Variants in AK3 observed in about 807,000 individuals in gnomAD.
AK3 encodes adenylate kinase 3.
Under a neutral mutation model 23.7 loss-of-function variants are expected in AK3, and 27 were observed. That is an observed-to-expected ratio of 1.14 (90% CI 0.84 to 1.57). The LOEUF (loss-of-function observed/expected upper bound fraction) is 1.57. AK3 is among the 40% of genes most tolerant of loss of function. The pLI, the probability that AK3 is intolerant of heterozygous loss-of-function variation, is 0.00. For missense variants in AK3, 406 were observed against 285.6 expected (o/e 1.42, Z -3.04); for synonymous variants, 159 against 116.0 (o/e 1.37, Z -2.38).
intron 1 of AK3, among the ~76,000 whole-genome samples, chr9:4,732,261 A>G (rs1842172050): frequency 6.6e-6 from 1 of 152,158 alleles, no homozygotes. Flanking sequence ...TAATTTCTTA[A>G]TAACATTTTT....
rs1387981714 is a variant in AK3, at chr9:4,711,149, A to C, written c.*1827T>G. 6.6e-6 allele frequency: 1 copy of C among 152,320 alleles called. No individual in the cohort carries two copies. The highest frequency in any genetic ancestry group is 1.9e-4 in the East Asian group (1 of 5,204). 9.4% of individuals were successfully genotyped at this position (152,320 alleles called of 1,614,324 possible). A position where few individuals can be genotyped will look rare whatever the true frequency, so the allele number is the denominator to read the frequency against. On this transcript the variant is annotated 3_prime_UTR_variant, in exon 5 of 5. Transcript: ENST00000381809. ...ATGAAGTATTGCATAAACTGAAACC[A>C]GCCTATGGACTGTTTTAAGATCATT...
At chr9:4,722,808 G>A (rs960882415) in intron 1 of AK3, among the ~76,000 whole-genome samples, 183 bp from the exon 2 acceptor site, 1 of 152,216 alleles carries the variant, frequency 6.6e-6, no homozygotes, top group African/African-American at 2.4e-5. Flanking sequence ...TGTAACCCCA[G>A]CACTTTGGGA....
In AK3 at chr9:4,712,345, T is replaced by C. The variant is rs541877658; in HGVS notation, c.*631A>G. On this transcript the variant is annotated 3_prime_UTR_variant, in exon 5 of 5. Transcript: ENST00000381809. The stretch of plus-strand genomic sequence containing the variant: ...AAAGTAATATTTTTCTATATGCTAA[T>C]TGATACATCTTTATAGCAAATTGAA... 6.6e-6 allele frequency: 1 copy of C among 152,208 alleles called. No individual in the cohort carries two copies. 9.4% of individuals were successfully genotyped at this position (152,208 alleles called of 1,614,324 possible). A position where few individuals can be genotyped will look rare whatever the true frequency, so the allele number is the denominator to read the frequency against.
At chr9:4,725,013 A>G (rs2183669) in intron 1 of AK3, among the ~76,000 whole-genome samples, 41,898 of 146,666 alleles carry the variant, frequency 0.29, 7,249 homozygotes, top group Admixed American at 0.37. Flanking sequence ...TGCTAAAGCT[A>G]CTAAACTCTT....
At chr9:4,720,128 C>T (rs1402839217) in intron 2 of AK3, among the ~76,000 whole-genome samples, 1 of 151,986 alleles carries the variant, frequency 6.6e-6, no homozygotes, top group African/African-American at 2.4e-5. Context: ...TAAAGTCCAG[C>T]TAAAGGAAAA....
intron 1 of AK3, among the ~76,000 whole-genome samples, chr9:4,723,316 T>C (rs546879716): frequency 2.2e-4 from 33 of 152,320 alleles, no homozygotes; most frequent in African/African-American, 7.7e-4. Context: ...AATAAGAATC[T>C]GAAATCATCA....
chr9:4,721,406 T>TAAAAA (rs770712533), intron 2 of AK3, among the ~76,000 whole-genome samples: 1 of 117,192 alleles, frequency 8.5e-6, no homozygotes, highest in Admixed American at 8.5e-5. Context: ...CTGTCTCCAT[T>TAAAAA]AAAAAAAAAA....
intron 2 of AK3, among the ~76,000 whole-genome samples, chr9:4,720,884 T>C (rs1050069925): frequency 1.3e-5 from 2 of 151,970 alleles, no homozygotes; most frequent in Non-Finnish European, 2.9e-5. Flanking sequence ...TCGGGAGAAA[T>C]AATGGCCCTT....
At chr9:4,739,278 C>T (rs1343342503) in intron 1 of AK3, among the ~76,000 whole-genome samples, 1 of 151,622 alleles carries the variant, frequency 6.6e-6, no homozygotes, top group Non-Finnish European at 1.5e-5. Flanking sequence ...GCAACCTCCG[C>T]CTCCCAGGTT....
At chr9:4,730,180 G>A (rs1842120742) in intron 1 of AK3, among the ~76,000 whole-genome samples, 1 of 152,126 alleles carries the variant, frequency 6.6e-6, no homozygotes, top group Admixed American at 6.5e-5. Context: ...GGAGGGTTGG[G>A]GAGAAATGGG....
At chr9:4,722,671 C>T (rs756457506) in intron 1 of AK3, 46 bp from the exon 2 acceptor site, 3 of 1,612,804 alleles carry the variant, frequency 1.9e-6, no homozygotes, top group Non-Finnish European at 2.5e-6. Context: ...TTTGTTTTAT[C>T]CCATTCCAGG....
rs560002080 is a variant in AK3, at chr9:4,733,450, T to A, written c.151+7487A>T. Among the ~76,000 whole-genome samples the A allele has an allele frequency of 1.4e-4, 21 of 152,342 alleles. No individual in the cohort carries two copies. The South Asian group carries it at 4.1e-3, about 30-fold the overall frequency. On this transcript the variant is annotated intron_variant, in intron 1 of 4. Transcript: ENST00000381809. ...GGAGGGCCCCCAAAGTCCTTGTTTC[T>A]CTCTGGTGATGGGTAAATCATGTTC...
At chr9:4,718,914 T>C (rs1294579351) in intron 3 of AK3, among the ~76,000 whole-genome samples, 1 of 152,324 alleles carries the variant, frequency 6.6e-6, no homozygotes, top group African/African-American at 2.4e-5. Flanking sequence ...GAGCAGGAAA[T>C]CAACAAATGT....
In AK3 at chr9:4,715,895, C is replaced by T. The variant is rs1251617333; in HGVS notation, c.563+2524G>A. ...GACGAGGTTCAGGAGAGACTGTCCC[C>T]ACTCCCCATCTTCAAGGATGGACAT... On this transcript the variant is annotated intron_variant, in intron 4 of 4. Coordinates refer to ENST00000381809, the MANE Select transcript of AK3 (RefSeq NM_016282.4). Among the ~76,000 whole-genome samples the T allele has an allele frequency of 2.0e-5, 3 of 152,180 alleles. No homozygotes were observed. In the East Asian group the frequency reaches 5.8e-4, roughly 29 times the overall value.
intron 1 of AK3, among the ~76,000 whole-genome samples, chr9:4,733,685 A>T (rs908880983): frequency 2.0e-5 from 3 of 152,076 alleles, no homozygotes; most frequent in African/African-American, 7.2e-5. Flanking sequence ...CTTCGGATAA[A>T]TTCTGATTTT....
chr9:4,718,426 AT>A lies in AK3; in HGVS notation c.555del (p.Glu185AspfsTer49). 1 of 1,611,820 alleles carries A rather than the reference AT, an allele frequency of 6.2e-7. No homozygotes were observed. The highest frequency in any genetic ancestry group is 8.5e-7 in the Non-Finnish European group (1 of 1,179,272). ...TGAAAAGCAAAAACTCACTGGTAAT[AT>A]TCCAGGACTGGCTTTGTTTGGTCTT... ...AYEDQTKPVL[E>X]YYQKKGVLET... On this transcript the variant is annotated frameshift_variant, in exon 4 of 5. Coordinates refer to ENST00000381809, the MANE Select transcript of AK3 (RefSeq NM_016282.4). LOFTEE classifies it high-confidence loss of function.
intron 1 of AK3, among the ~76,000 whole-genome samples, chr9:4,736,040 G>C (rs1312520764): frequency 1.3e-5 from 2 of 151,094 alleles, no homozygotes; most frequent in African/African-American, 2.4e-5. Flanking sequence ...ACTTGAACGT[G>C]GGAGGCGGAG....
intron 1 of AK3, among the ~76,000 whole-genome samples, chr9:4,723,405 G>C (rs976811991): frequency 7.2e-5 from 11 of 152,160 alleles, no homozygotes; most frequent in African/African-American, 2.7e-4. Flanking sequence ...AACAGGTGCT[G>C]CTATCGTGAC....
chr9:4,738,317 C>G (rs1199769515), intron 1 of AK3, among the ~76,000 whole-genome samples: 3 of 152,154 alleles, frequency 2.0e-5, no homozygotes. Flanking sequence ...AAGCGCCCAC[C>G]ACCATGCCTG....
Sources: gnomAD v4.1 joint callset for allele counts (sites outside exome capture counted in the v4.1 genomes callset) on GRCh38, gnomAD v4.1.1 for gene constraint, MANE v1.5 for transcripts, NCBI Gene and HGNC (gene_info 2026-07-23, HGNC 2026-07-21) for gene names.